AFF2: variants seen among roughly 807,000 people sequenced by gnomAD.
The protein encoded by AFF2 is AF4/FMR2 family member 2.
Under a neutral mutation model 76.9 loss-of-function variants are expected in AFF2, and 14 were observed. That is an observed-to-expected ratio of 0.18 (90% confidence interval 0.12 to 0.28). The LOEUF (loss-of-function observed/expected upper bound fraction) is 0.28, where lower values mean the gene tolerates loss of function less well. Ranked by LOEUF, AFF2 falls within the 10% of genes least tolerant of loss-of-function variation. AFF2 has a pLI of 1.00. For missense variants in AFF2, 868 were observed against 1,001.1 expected (o/e 0.87, Z 1.79); for synonymous variants, 398 against 366.7 (o/e 1.09, Z -0.98).
chrX:148,897,278 T>TATAA (rs2071304166), intron 8 of AFF2, among the ~76,000 whole-genome samples: 1 of 40,595 alleles, frequency 2.5e-5, no homozygotes, highest in Non-Finnish European at 4.3e-5. Context: ...TATATGTATA[T>TATAA]GAAAAATATA....
chrX:148,851,094 A>G (rs781833629), intron 7 of AFF2, among the ~76,000 whole-genome samples: 1 of 112,494 alleles, frequency 8.9e-6, no homozygotes, highest in African/African-American at 3.2e-5. Flanking sequence ...CCTATCAAGC[A>G]TCTCACAAAC....
intron 1 of AFF2, among the ~76,000 whole-genome samples, chrX:148,506,627 G>C (rs1054364138): frequency 9.0e-6 from 1 of 110,685 alleles, no homozygotes; most frequent in Non-Finnish European, 1.9e-5. Flanking sequence ...CTTGAGAATT[G>C]TTCATTTAAA....
chrX:148,785,603 T>C (rs1276960553), intron 3 of AFF2, among the ~76,000 whole-genome samples: 1 of 111,458 alleles, frequency 9.0e-6, no homozygotes, highest in Non-Finnish European at 1.9e-5. Context: ...ATGCTATAGA[T>C]ATGTTCCCCA....
chrX:148,798,591 A>T (rs1557270719), intron 3 of AFF2, among the ~76,000 whole-genome samples: 1 of 112,229 alleles, frequency 8.9e-6, no homozygotes, highest in Non-Finnish European at 1.9e-5. Context: ...TTAAGAGTTT[A>T]TTTTATCAGT....
chrX:148,625,076 T>C (rs2053909706), intron 1 of AFF2, among the ~76,000 whole-genome samples: 1 of 111,015 alleles, frequency 9.0e-6, no homozygotes, highest in African/African-American at 3.3e-5. Context: ...CATTTCCTTG[T>C]GTCTATGAGG....
At chrX:148,925,058 T>C (rs2071635670) in intron 9 of AFF2, among the ~76,000 whole-genome samples, 1 of 112,444 alleles carries the variant, frequency 8.9e-6, no homozygotes, top group South Asian at 3.7e-4. Flanking sequence ...AGAGCAGCTG[T>C]CCAGTTTGCA....
At chrX:148,839,743 T>C (rs2070572736) in intron 5 of AFF2, among the ~76,000 whole-genome samples, 1 of 111,548 alleles carries the variant, frequency 9.0e-6, no homozygotes, top group South Asian at 3.8e-4. Flanking sequence ...CATCAGTTTC[T>C]TACATCCATG....
intron 1 of AFF2, among the ~76,000 whole-genome samples, chrX:148,579,503 G>C (rs782484308): frequency 1.8e-5 from 2 of 111,763 alleles, no homozygotes; most frequent in Non-Finnish European, 3.8e-5. Context: ...AAAATAAAGC[G>C]ATTGTTGTCA....
chrX:148,813,454 A>G (rs2070228279), intron 4 of AFF2, among the ~76,000 whole-genome samples: 1 of 112,535 alleles, frequency 8.9e-6, no homozygotes, highest in African/African-American at 3.2e-5. Flanking sequence ...TCAAATAATA[A>G]TAAAACAATA....
At chrX:148,988,373 A>G (rs1189147886) in intron 20 of AFF2, among the ~76,000 whole-genome samples, 5 of 111,897 alleles carry the variant, frequency 4.5e-5, no homozygotes, top group Non-Finnish European at 9.4e-5. Context: ...ATGTGGGGAA[A>G]CCATCTCATT....
In AFF2 at chrX:148,871,364, G is replaced by A. The variant is rs151311023; in HGVS notation, c.1263-14525G>A. Among the ~76,000 whole-genome samples the A allele has an allele frequency of 7.1e-3, 792 of 111,228 alleles. 7 individuals are homozygous for A. Among genetic ancestry groups the A allele is most frequent in the African/African-American group, 0.025 (755 of 30,630 alleles). ...TAGCCAGTGAAGGACCCGGCCTTGC[G>A]TAGACTCAGCAGAGGAGAAACTGCT... On this transcript the variant is annotated intron_variant, in intron 7 of 20. Coordinates refer to ENST00000370460, the MANE Select transcript of AFF2 (RefSeq NM_002025.4).
intron 1 of AFF2, among the ~76,000 whole-genome samples, chrX:148,515,333 T>C (rs1237914326): frequency 8.9e-6 from 1 of 112,181 alleles, no homozygotes; most frequent in Non-Finnish European, 1.9e-5. Context: ...AATTGTAGAA[T>C]TATTAGACCT....
chrX:148,597,110 A>G (rs1386283723), intron 1 of AFF2, among the ~76,000 whole-genome samples: 2 of 111,983 alleles, frequency 1.8e-5, no homozygotes, highest in Non-Finnish European at 3.8e-5. Flanking sequence ...TTTGAAATTA[A>G]TAATGCCTTA....
chrX:148,990,684 A>C (rs186657444), intron 20 of AFF2, among the ~76,000 whole-genome samples: 1 of 111,913 alleles, frequency 8.9e-6, no homozygotes, highest in Non-Finnish European at 1.9e-5. Flanking sequence ...ATCCCCAATG[A>C]AATTGGTAAG....
intron 1 of AFF2, among the ~76,000 whole-genome samples, chrX:148,623,713 A>G (rs1278369475): frequency 1.8e-5 from 2 of 110,250 alleles, no homozygotes; most frequent in Admixed American, 2.0e-4. Flanking sequence ...ATAAAAATAA[A>G]CAGATAATCT....
At chrX:148,846,896 T>A (rs2070674366) in intron 7 of AFF2, among the ~76,000 whole-genome samples, 1 of 111,811 alleles carries the variant, frequency 8.9e-6, no homozygotes, top group African/African-American at 3.3e-5. Flanking sequence ...GTAGTTTCTC[T>A]TTCTTTTTCT....
At chrX:148,777,973 A>T (rs1399081937) in intron 3 of AFF2, among the ~76,000 whole-genome samples, 2 of 111,890 alleles carry the variant, frequency 1.8e-5, no homozygotes, top group Non-Finnish European at 3.8e-5. Flanking sequence ...ATTCAGTATG[A>T]TATTGTCTGT....
At chrX:148,692,988 G>A (rs1350307938) in intron 3 of AFF2, among the ~76,000 whole-genome samples, 5 of 110,881 alleles carry the variant, frequency 4.5e-5, no homozygotes, top group African/African-American at 1.6e-4. Context: ...GCGCGATCTC[G>A]GCTCACTACA....
intron 3 of AFF2, among the ~76,000 whole-genome samples, chrX:148,709,892 G>A (rs782409002): frequency 8.9e-6 from 1 of 111,794 alleles, no homozygotes; most frequent in South Asian, 3.8e-4. Context: ...CTCTTTAGAG[G>A]GCTTTTCAAA....
Sources: allele counts gnomAD v4.1 joint callset (sites outside exome capture counted in the v4.1 genomes callset), GRCh38; gene constraint gnomAD v4.1.1; transcripts MANE v1.5; gene names NCBI Gene and HGNC (gene_info 2026-07-23, HGNC 2026-07-21).